Variants in TRIT1 observed in about 807,000 individuals in gnomAD.
TRIT1 encodes tRNA isopentenyltransferase 1.
TRIT1 carries 43 observed loss-of-function variants against 51.2 expected under a neutral mutation model. That is an observed-to-expected ratio of 0.84 (90% CI 0.66 to 1.08). TRIT1 has a LOEUF of 1.08. TRIT1 is among the 50% of genes least tolerant of loss of function. TRIT1 has a pLI of 0.00. For synonymous variants in TRIT1, 184 were observed against 203.9 expected, an observed-to-expected ratio of 0.90 and a Z score of 0.83; for missense variants, 528 against 578.4, an observed-to-expected ratio of 0.91 and a Z score of 0.89.
At chr1:39,844,488 C>G in intron 9 of TRIT1, 43 bp downstream of exon 9, 2 of 1,495,574 alleles carry the variant, frequency 1.3e-6, no homozygotes, top group Middle Eastern at 1.7e-4. Context: ...AATGAAAGTG[C>G]TCTGAAAACC....
Position 39,841,479 on chromosome 1 carries a change from C to T in TRIT1, c.*265G>A, listed in dbSNP as rs755544912. The T allele has an allele frequency of 4.0e-5, 12 of 300,866 alleles. No homozygotes were observed. Among genetic ancestry groups the T allele is most frequent in the Non-Finnish European group, 7.3e-5 (12 of 165,222 alleles). The allele number at this position is 300,866 out of a possible 1,614,324, so 18.6% of individuals were successfully genotyped here. ...ATCTGTGCTGCTTTTAATAATAGAA[C>T]CTTTAAGGTTCAAAGAAAAAAAAAA... On this transcript the variant is annotated 3_prime_UTR_variant, in exon 11 of 11. Transcript: ENST00000316891.
chr1:39,846,253 G>A (rs1351576962), intron 8 of TRIT1, among the ~76,000 whole-genome samples: 1 of 152,178 alleles, frequency 6.6e-6, no homozygotes, highest in Non-Finnish European at 1.5e-5. Context: ...TCAACAGCAG[G>A]GATCAAGGTA....
chr1:39,848,125 C>G (rs1300761090), intron 5 of TRIT1, 28 bp from the exon 6 acceptor site: 3 of 1,589,698 alleles, frequency 1.9e-6, no homozygotes, highest in East Asian at 4.5e-5. Context: ...CATCAACCAG[C>G]AAGCAAGTTG....
At chr1:39,847,098 T>G in intron 8 of TRIT1, 122 bp downstream of exon 8, 1 of 729,022 alleles carries the variant, frequency 1.4e-6, no homozygotes, top group South Asian at 1.9e-5. Context: ...AGAACTTCCC[T>G]TAGGTCAGAT....
chr1:39,859,923 A>G (rs1306200949), intron 1 of TRIT1, among the ~76,000 whole-genome samples: 1 of 152,250 alleles, frequency 6.6e-6, no homozygotes, highest in African/African-American at 2.4e-5. Flanking sequence ...AGCACCTTCT[A>G]TCAGAAACCC....
intron 5 of TRIT1, 103 bp from the exon 6 acceptor site, chr1:39,848,200 A>C (rs1226095927): frequency 1.3e-6 from 1 of 783,300 alleles, no homozygotes; most frequent in East Asian, 2.5e-5. Flanking sequence ...GAATTTGTCC[A>C]AACGGAAGAA....
At chr1:39,863,723 T>A in intron 1 of TRIT1, among the ~76,000 whole-genome samples, 3 of 122,566 alleles carry the variant, frequency 2.4e-5, no homozygotes, top group African/African-American at 3.1e-5. Flanking sequence ...CTGGAGGAAC[T>A]AATGAAGGTA....
intron 1 of TRIT1, among the ~76,000 whole-genome samples, chr1:39,866,181 C>G (rs1186936933): frequency 6.6e-6 from 1 of 151,998 alleles, no homozygotes; most frequent in Non-Finnish European, 1.5e-5. Context: ...AACATCTCTT[C>G]TAGTTCTTTT....
intron 4 of TRIT1, among the ~76,000 whole-genome samples, chr1:39,850,701 C>A (rs114206554): frequency 7.2e-5 from 11 of 152,252 alleles, no homozygotes; most frequent in African/African-American, 2.6e-4. Flanking sequence ...CAACAGGTTT[C>A]TTCTACACAA....
chr1:39,873,083 CCTT>C (rs1643932297), intron 1 of TRIT1, among the ~76,000 whole-genome samples: 1 of 152,118 alleles, frequency 6.6e-6, no homozygotes, highest in Non-Finnish European at 1.5e-5. Context: ...GCTTAATTCT[CCTT>C]CTATTCAGTG....
Position 39,838,328 on chromosome 1 carries a change from T to C in TRIT1, c.*3416A>G, listed in dbSNP as rs1380804781. Among the ~76,000 whole-genome samples, 3 of 152,246 alleles carry C rather than the reference T, an allele frequency of 2.0e-5. No homozygotes were observed. Among genetic ancestry groups the C allele is most frequent in the Non-Finnish European group, 4.4e-5 (3 of 68,044 alleles). On this transcript the variant is annotated 3_prime_UTR_variant, in exon 11 of 11. Transcript: ENST00000316891. ...TTTAACAATTGAAGCAGATCACTTA[T>C]GTAGAGACCTACTTAGTTTTTATGC...
At chr1:39,846,738 C>T (rs577041515) in intron 8 of TRIT1, among the ~76,000 whole-genome samples, 1 of 152,276 alleles carries the variant, frequency 6.6e-6, no homozygotes, top group Admixed American at 6.5e-5. Context: ...CCTTTCTTTT[C>T]CCTCAAAAAT....
chr1:39,864,196 T>C (rs1413755336), intron 1 of TRIT1, among the ~76,000 whole-genome samples: 3 of 151,682 alleles, frequency 2.0e-5, no homozygotes, highest in Admixed American at 6.6e-5. Context: ...AGAAACATTT[T>C]TGATTGTCAC....
intron 1 of TRIT1, among the ~76,000 whole-genome samples, chr1:39,871,350 G>A (rs899074791): frequency 6.6e-6 from 1 of 152,184 alleles, no homozygotes; most frequent in Non-Finnish European, 1.5e-5. Context: ...CGGAGCCTGA[G>A]GCAGGTGGAT....
rs1192162646 is a variant in TRIT1 at position 39,839,042 on chromosome 1, T to G, written c.*2702A>C. Among the ~76,000 whole-genome samples the G allele has an allele frequency of 6.6e-6, 1 of 152,226 alleles. No individual in the cohort carries two copies. The highest frequency in any genetic ancestry group is 2.4e-5 in the African/African-American group (1 of 41,452). On this transcript the variant is annotated 3_prime_UTR_variant, in exon 11 of 11. Coordinates refer to ENST00000316891, the MANE Select transcript of TRIT1 (RefSeq NM_017646.6). ...TCTACCCACTTACAACAGCACTGCC[T>G]GAACTGTGAGAAGTATCTAAAGCCT... is the stretch of plus-strand genomic sequence containing the variant.
In TRIT1 at chr1:39,883,498, G is replaced by T. The variant is rs1644331542; in HGVS notation, c.-7C>A. The T allele has an allele frequency of 1.3e-6, 2 of 1,588,976 alleles. No homozygotes were observed. Among genetic ancestry groups the T allele is most frequent in the Non-Finnish European group, 1.7e-6 (2 of 1,161,074 alleles). On this transcript the variant is annotated 5_prime_UTR_variant, in exon 1 of 11. Transcript: ENST00000316891. ...CAGCCGCCACGGACGCCATCTTATG[G>T]CAGTCTGCGCTTGCGCCGGAGCAGC...
At chr1:39,848,611 G>C (rs1316190031) in intron 5 of TRIT1, among the ~76,000 whole-genome samples, 5 of 150,868 alleles carry the variant, frequency 3.3e-5, no homozygotes, top group African/African-American at 1.2e-4. Flanking sequence ...GGATCACGAG[G>C]TCAAGAGTTC....
At chr1:39,857,697 G>A (rs966117621) in intron 1 of TRIT1, among the ~76,000 whole-genome samples, 1 of 152,172 alleles carries the variant, frequency 6.6e-6, no homozygotes, top group African/African-American at 2.4e-5. Context: ...TAGTAAAAAC[G>A]AATTCTGCAT....
chr1:39,843,507 G>A (rs913470318), intron 10 of TRIT1, among the ~76,000 whole-genome samples: 5 of 152,182 alleles, frequency 3.3e-5, no homozygotes, highest in Admixed American at 1.3e-4. Context: ...TGGCCCTGAG[G>A]TGGTGGGGAA....
Sources: allele counts gnomAD v4.1 joint callset (sites outside exome capture counted in the v4.1 genomes callset), GRCh38; gene constraint gnomAD v4.1.1; transcripts MANE v1.5; gene names NCBI Gene and HGNC (gene_info 2026-07-23, HGNC 2026-07-21).